Variants in EML1 observed in about 807,000 individuals in gnomAD.
The protein encoded by EML1 is EMAP like 1, also known as echinoderm microtubule-associated protein-like 1.
A neutral mutation model predicts 110.4 loss-of-function variants in EML1; 27 were observed. The observed-to-expected ratio is 0.24, with a 90% CI of 0.18 to 0.34. The LOEUF (loss-of-function observed/expected upper bound fraction) is 0.34. EML1 is among the 10% of genes least tolerant of loss of function. The pLI is 1.00. For synonymous variants in EML1, 344 were observed against 385.8 expected (o/e 0.89, Z 1.27); for missense variants, 741 against 1,030.9 (o/e 0.72, Z 3.85).
At chr14:99,767,992 A>G (rs1431248235), upstream of EML1, among the ~76,000 whole-genome samples, 1 of 152,232 alleles carries the variant, frequency 6.6e-6, no homozygotes, top group Non-Finnish European at 1.5e-5. Flanking sequence ...ATTCAGATCC[A>G]GTAAATGCTT....
chr14:99,918,249 T>C (rs2060067763), intron 16 of EML1, among the ~76,000 whole-genome samples: 1 of 152,152 alleles, frequency 6.6e-6, no homozygotes, highest in Admixed American at 6.5e-5. Context: ...AGGCATGCAC[T>C]GCCATGCTCA....
chr14:99,851,533 T>C (rs939086379), intron 2 of EML1, among the ~76,000 whole-genome samples: 2 of 152,074 alleles, frequency 1.3e-5, no homozygotes, highest in Non-Finnish European at 2.9e-5. Flanking sequence ...GGTCTCGATC[T>C]CCTGACCTCG....
chr14:99,823,078 C>G (rs2058291389), intron 1 of EML1, among the ~76,000 whole-genome samples: 1 of 152,180 alleles, frequency 6.6e-6, no homozygotes, highest in Non-Finnish European at 1.5e-5. Flanking sequence ...GGAAGAAGAC[C>G]CAGCCCCCTG....
At chr14:99,839,132 G>C (rs1176745043) in intron 1 of EML1, 1 of 152,104 alleles carries the variant, frequency 6.6e-6, no homozygotes, top group Non-Finnish European at 1.5e-5. Context: ...TCTTTTTACA[G>C]ATGATTGTTC....
At chr14:99,864,147 AGT>A (rs908348715) in intron 2 of EML1, among the ~76,000 whole-genome samples, 2 of 152,188 alleles carry the variant, frequency 1.3e-5, no homozygotes, top group African/African-American at 2.4e-5. Flanking sequence ...TCTTTGGTGA[AGT>A]GTCTTTTCAG....
chr14:99,904,611 A>G lies in EML1; in HGVS notation c.1009-3027A>G, dbSNP rs371105999. Among the ~76,000 whole-genome samples the G allele has an allele frequency of 2.0e-5, 3 of 152,354 alleles. No homozygotes were observed. The East Asian group carries it at 5.8e-4, about 29-fold the overall frequency. ...TATATAAACATCACACACATAATAC[A>G]TGTAAATACACAGACAGAAAATAAA... On this transcript the variant is annotated intron_variant, in intron 9 of 21. Coordinates refer to ENST00000262233, the MANE Select transcript of EML1 (RefSeq NM_004434.3).
At chr14:99,835,305 T>C (rs557367686) in intron 1 of EML1, among the ~76,000 whole-genome samples, 1 of 152,344 alleles carries the variant, frequency 6.6e-6, no homozygotes, top group Admixed American at 6.5e-5. Context: ...TATCGATCTG[T>C]AGTAATGTCA....
intron 1 of EML1, among the ~76,000 whole-genome samples, chr14:99,755,141 C>T (rs1284352401): frequency 6.6e-6 from 1 of 152,250 alleles, no homozygotes; most frequent in African/African-American, 2.4e-5. Context: ...GCTGGGGCCT[C>T]TGGGCCCAAT....
intron 1 of EML1, among the ~76,000 whole-genome samples, chr14:99,782,088 C>G (rs529471573): frequency 2.0e-5 from 3 of 152,320 alleles, no homozygotes; most frequent in African/African-American, 7.2e-5. Context: ...TACCTGTCCC[C>G]AGCCAGGGTG....
chr14:99,782,132 C>T lies in EML1; in HGVS notation c.-27+8119C>T, dbSNP rs1566861906. Among the ~76,000 whole-genome samples, 7 of 152,238 alleles carry T rather than the reference C, an allele frequency of 4.6e-5. No individual in the cohort carries two copies. The South Asian group carries it at 1.2e-3, about 27-fold the overall frequency. On this transcript the variant is annotated intron_variant, in intron 1 of 22. Transcript: ENST00000327921. ...CATGCTTGGGTAGAATCTGCCCTTT[C>T]CCCTCTCCTTCCTTCCCCAACCCCT... is the stretch of plus-strand genomic sequence containing the variant.
chr14:99,911,573 G>C lies in EML1; in HGVS notation c.1491G>C (p.Thr497=). The C allele has an allele frequency of 6.2e-7, 1 of 1,611,504 alleles. No individual in the cohort carries two copies. Among genetic ancestry groups the C allele is most frequent in the Non-Finnish European group, 8.5e-7 (1 of 1,179,550 alleles). The change falls in exon 13 of 22, where the codon ACG becomes ACC. Residue 497 remains threonine (T), a synonymous_variant. Transcript: ENST00000262233. ...WSGNYQKLRK[T]EIPEQFGPIR... ...GAAACTATCAAAAACTTCGTAAAAC[G>C]GAGGTAAGTCATCAAGGCTACTGCT...
In EML1 at chr14:99,846,300, T is replaced by G. The variant is rs1359749369; in HGVS notation, c.68-4553T>G. 2.1e-3 allele frequency among the ~76,000 whole-genome samples: 309 copies of G among 147,104 alleles called. 2 individuals are homozygous for G. Among genetic ancestry groups the G allele is most frequent in the African/African-American group, 7.5e-3 (293 of 39,328 alleles). On this transcript the variant is annotated intron_variant, in intron 1 of 21. Coordinates refer to ENST00000262233, the MANE Select transcript of EML1 (RefSeq NM_004434.3). ...CTGGTGATTTTTTTTTTTTTTTTTT[T>G]GAGACAGAGTCTTGCTCTGTCACCC...
rs2057542086 is a variant in EML1, at chr14:99,781,756, C to A, written c.-27+7743C>A. Among the ~76,000 whole-genome samples the A allele has an allele frequency of 6.6e-6, 1 of 152,184 alleles. No homozygotes were observed. Among genetic ancestry groups the A allele is most frequent in the Admixed American group, 6.5e-5 (1 of 15,280 alleles). On this transcript the variant is annotated intron_variant, in intron 1 of 22. Transcript: ENST00000327921. The surrounding 1 kb of genome is among the most constrained non-coding windows in gnomAD (Gnocchi z 4.2). ...CTTCAGTCTGAGCTCCCTGTCCCCT[C>A]TTTGACATTAACAGAGCTGGATGTC...
At chr14:99,815,633 C>A (rs2058155343) in intron 1 of EML1, among the ~76,000 whole-genome samples, 3 of 152,172 alleles carry the variant, frequency 2.0e-5, no homozygotes, top group Non-Finnish European at 4.4e-5. Context: ...CAAATTGTAG[C>A]AGCTCTTTGT....
chr14:99,889,394 G>A (rs1489744073), intron 4 of EML1, among the ~76,000 whole-genome samples: 5 of 152,120 alleles, frequency 3.3e-5, no homozygotes, highest in Non-Finnish European at 5.9e-5. Flanking sequence ...CAGGGCAGCC[G>A]CTGTCTATTG....
intron 1 of EML1, among the ~76,000 whole-genome samples, chr14:99,750,361 G>A (rs893240477): frequency 2.6e-5 from 4 of 152,236 alleles, no homozygotes; most frequent in Non-Finnish European, 4.4e-5. Context: ...ATGGGGGCAG[G>A]TGGGGGTCCC....
At chr14:99,771,496 T>G (rs1303292497), upstream of EML1, among the ~76,000 whole-genome samples, 1 of 152,218 alleles carries the variant, frequency 6.6e-6, no homozygotes, top group East Asian at 1.9e-4. Flanking sequence ...GTGGATTGTT[T>G]CCATTTTTTT....
intron 4 of EML1, among the ~76,000 whole-genome samples, chr14:99,888,146 G>A (rs779889443): frequency 7.2e-5 from 11 of 152,164 alleles, no homozygotes; most frequent in African/African-American, 1.7e-4. Flanking sequence ...AGAAATGTAA[G>A]CATTTTAGTA....
At chr14:99,894,481 A>G (rs1380818187) in intron 5 of EML1, 148 bp from the exon 6 acceptor site, 5 of 1,013,876 alleles carry the variant, frequency 4.9e-6, no homozygotes, top group Non-Finnish European at 6.5e-6. Context: ...GTTTATTTTT[A>G]TGTTACTTTT....
Sources: gnomAD v4.1 joint callset for allele counts (sites outside exome capture counted in the v4.1 genomes callset) on GRCh38, gnomAD v4.1.1 for gene constraint, Gnocchi (gnomAD v3.1) non-coding constraint, MANE v1.5 for transcripts, NCBI Gene and HGNC (gene_info 2026-07-23, HGNC 2026-07-21) for gene names.